QARS1: variants seen among roughly 807,000 people sequenced by gnomAD.
The protein encoded by QARS1 is glutamine--tRNA ligase.
In QARS1, 79 loss-of-function variants were observed where a neutral mutation model predicts 106.9. The observed-to-expected ratio is 0.74, with a 90% CI of 0.62 to 0.89. The LOEUF is 0.89. QARS1 is among the 40% of genes least tolerant of loss of function. QARS1 has a pLI of 0.00. For synonymous variants in QARS1, 395 were observed against 367.7 expected, an observed-to-expected ratio of 1.07 and a Z score of -0.85; for missense variants, 966 against 997.2, an observed-to-expected ratio of 0.97 and a Z score of 0.42.
Position 49,100,649 on chromosome 3 carries a change from C to T in QARS1, c.902G>A (p.Arg301His), listed in dbSNP as rs1553752019. The T allele has an allele frequency of 1.9e-6, 3 of 1,607,304 alleles. No individual in the cohort carries two copies. The highest frequency in any genetic ancestry group is 1.7e-5 in the Admixed American group (1 of 60,002). Residue 301 changes from arginine (R) to histidine (H), a missense_variant, in exon 11 of 24, where the codon CGT (arginine) becomes CAT (histidine). Physicochemically the swap from Arg to His is conservative, Grantham distance 29. Transcript: ENST00000306125. The stretch of plus-strand genomic sequence containing the variant: ...CTTCTCAGGGTTGGTGTCATCAAAA[C>T]GCAGAAAACAGATGCCATTGTTGGC... ...AKANNGICFLRFDDTNPEKEE... is the reference protein window; with the variant it reads ...AKANNGICFLHFDDTNPEKEE...
Position 49,100,409 on chromosome 3 carries a change from T to C in QARS1, c.1026A>G (p.Leu342=), listed in dbSNP as rs1559968026. ...GGATGAGCTCCACAGCCCACGCATA[T>C]AGCTGGTCAAAATAGTCAGACGCAT... ...VTYASDYFDQ[L]YAWAVELIRR... Residue 342 remains leucine, a synonymous_variant, in exon 12 of 24, where the codon CTA becomes CTG. Coordinates refer to ENST00000306125, the MANE Select transcript of QARS1 (RefSeq NM_005051.3). 1.2e-6 allele frequency: 2 copies of C among 1,614,242 alleles called. No homozygotes were observed. The highest frequency in any genetic ancestry group is 1.1e-5 in the South Asian group (1 of 91,086).
At chr3:49,101,261 T>TA (rs773064993) in intron 10 of QARS1, 94 bp downstream of exon 10, 58 of 974,438 alleles carry the variant, frequency 6.0e-5, no homozygotes, top group Non-Finnish European at 8.7e-5. Context: ...CTGGGTACAT[T>TA]ATTGGGAGCA....
At chr3:49,098,531 G>T in intron 20 of QARS1, 51 bp from the exon 21 acceptor site, 1 of 1,613,168 alleles carries the variant, frequency 6.2e-7, no homozygotes, top group South Asian at 1.1e-5. Context: ...CCACAACCAG[G>T]ACTGCAGGCT....
chr3:49,101,800 TC>T (rs2042474692), intron 8 of QARS1, 27 bp downstream of exon 8: 2 of 1,608,672 alleles, frequency 1.2e-6, no homozygotes, highest in Non-Finnish European at 1.7e-6. Flanking sequence ...GATCCAGCCC[TC>T]CCCAGGGTTT....
chr3:49,104,563 G>C (rs370736458), intron 1 of QARS1, 54 bp downstream of exon 1: 1 of 1,597,120 alleles, frequency 6.3e-7, no homozygotes, highest in Non-Finnish European at 8.6e-7. Context: ...ACCCCGCCCC[G>C]CGCTGCGTTG....
At chr3:49,099,894 T>A in intron 14 of QARS1, 41 bp from the exon 15 acceptor site, 1 of 1,614,056 alleles carries the variant, frequency 6.2e-7, no homozygotes, top group Non-Finnish European at 8.5e-7. Context: ...CCAGCCCTAC[T>A]CTGCCCTACC....
chr3:49,100,887 G>A (rs1295436690), intron 10 of QARS1: 10 of 666,822 alleles, frequency 1.5e-5, no homozygotes, highest in African/African-American at 5.4e-5. Flanking sequence ...AACTACAAGC[G>A]TGTGCCACCA....
chr3:49,098,238 T>C lies in QARS1; in HGVS notation c.2105A>G (p.Glu702Gly), dbSNP rs1414509657. The C allele has an allele frequency of 6.2e-7, 1 of 1,614,188 alleles. No individual in the cohort carries two copies. The highest frequency in any genetic ancestry group is 1.7e-5 in the Admixed American group (1 of 60,016). The stretch of plus-strand genomic sequence containing the variant: ...TCCACCAGGCACCTCAGTAGGATCT[T>C]CAGGGTTCTTGTGCTGGAATCTGCA... Reference protein sequence around the residue: ...YERLFQHKNPEDPTEVPGGFL... With the variant: ...YERLFQHKNPGDPTEVPGGFL... Residue 702 changes from glutamate (E) to glycine (G), a missense_variant, in exon 22 of 24, where the codon GAA becomes GGA. By Grantham distance (98) the Glu-to-Gly change is moderately conservative. Transcript: ENST00000306125.
chr3:49,103,460 C>G, intron 4 of QARS1, 51 bp from the exon 5 acceptor site: 3 of 1,605,360 alleles, frequency 1.9e-6, no homozygotes, highest in Non-Finnish European at 2.6e-6. Flanking sequence ...GAGTACTCCC[C>G]CCACCTCTTT....
chr3:49,104,376 G>A lies in QARS1; in HGVS notation c.213C>T (p.Phe71=). The change falls in exon 2 of 24, where the codon TTC becomes TTT. Residue 71 remains phenylalanine, a synonymous_variant. Transcript: ENST00000306125. ...TCTTACTGGCTATGTAGCTTACAAG[G>A]AAGGAGAGACGCCGGGTATCCCTGA... ...SRLRDTRRLS[F]LVSYIASKKI... 2 of 1,614,232 alleles carry A rather than the reference G, an allele frequency of 1.2e-6. No individual in the cohort carries two copies. The highest frequency in any genetic ancestry group is 1.1e-5 in the South Asian group (1 of 91,088).
At chr3:49,096,423 G>A (rs1219637897) in intron 23 of QARS1, among the ~76,000 whole-genome samples, 1 of 152,190 alleles carries the variant, frequency 6.6e-6, no homozygotes, top group Non-Finnish European at 1.5e-5. Context: ...CAGCACTTTG[G>A]GAGGCTGAGA....
At position 49,096,059 on chromosome 3, in the gene QARS1, G is replaced by A. The variant is rs2042385408; in HGVS notation, c.2298C>T (p.Val766=). The A allele has an allele frequency of 6.2e-7, 1 of 1,613,820 alleles. No homozygotes were observed. Among genetic ancestry groups the A allele is most frequent in the Non-Finnish European group, 8.5e-7 (1 of 1,179,974 alleles). The part of the protein sequence containing the change: ...HQGKLVFNRT[V]TLKEDPGKV ...CCTTTCCTGGGTCTTCCTTCAGTGTGACAGTTCGGTTAAAGACAAGCTGGA... is the reference window on the plus strand; with the variant it reads ...CCTTTCCTGGGTCTTCCTTCAGTGTAACAGTTCGGTTAAAGACAAGCTGGA... The change falls in exon 24 of 24, where the codon GTC becomes GTT. Residue 766 remains valine, a synonymous_variant. Coordinates refer to ENST00000306125, the MANE Select transcript of QARS1 (RefSeq NM_005051.3).
chr3:49,099,029 G>C (rs1559966633), intron 18 of QARS1, 40 bp from the exon 19 acceptor site: 2 of 1,612,358 alleles, frequency 1.2e-6, no homozygotes, highest in Non-Finnish European at 1.7e-6. Flanking sequence ...GTCATACTCA[G>C]CATTAGGACC....
At position 49,101,703 on chromosome 3, in the gene QARS1, C is replaced by T. The variant is rs1313459267; in HGVS notation, c.706G>A (p.Glu236Lys). The change falls in exon 9 of 24, where the codon GAG (glutamate) becomes AAG (lysine). Residue 236 changes from glutamate (E) to lysine (K), a missense_variant and splice_region_variant. Transcript: ENST00000306125. ...GEALKFHKPG[E>K]NYKTPGYVVT... is the part of the protein sequence containing the mutation. Reference sequence around the variant, plus strand: ...ACATAGCCTGGGGTCTTGTAGTTCTCACCTGCCAGGACCAGAATAAGCCTA... The same window carrying T: ...ACATAGCCTGGGGTCTTGTAGTTCTTACCTGCCAGGACCAGAATAAGCCTA... 2 of 1,613,984 alleles carry T rather than the reference C, an allele frequency of 1.2e-6. No homozygotes were observed. Among genetic ancestry groups the T allele is most frequent in the African/African-American group, 2.7e-5 (2 of 74,912 alleles).
At chr3:49,104,157 G>T in intron 2 of QARS1, 167 bp downstream of exon 2, 1 of 1,183,180 alleles carries the variant, frequency 8.5e-7, no homozygotes, top group Non-Finnish European at 1.3e-6. Flanking sequence ...CTCAGACCCT[G>T]ACAGTTCCCG....
chr3:49,098,785 A>T (rs527379243), intron 19 of QARS1, 93 bp from the exon 20 acceptor site: 1 of 1,504,864 alleles, frequency 6.6e-7, no homozygotes, highest in African/African-American at 1.4e-5. Flanking sequence ...AGATTGGTTC[A>T]TCTGAAGCAG....
chr3:49,097,840 C>T, intron 23 of QARS1, 152 bp downstream of exon 23: 1 of 1,151,842 alleles, frequency 8.7e-7, no homozygotes, highest in Non-Finnish European at 1.2e-6. Context: ...CTGGAGTTAT[C>T]CTCAGTGCCA....
rs1377061002 is a variant in QARS1 at position 49,098,085 on chromosome 3, C to G, written c.2184G>C (p.Val728=). The G allele has an allele frequency of 6.2e-7, 1 of 1,614,144 alleles. No homozygotes were observed. The stretch of plus-strand genomic sequence containing the variant: ...GTTTTGCCAGGGCCACAGAGCAGTC[C>G]ACTAATGCTGCATCCACCACGTGTA... The part of the protein sequence containing the change: ...ASLHVVDAAL[V]DCSVALAKPF... The change falls in exon 23 of 24, where the codon GTG becomes GTC. Residue 728 remains valine, a synonymous_variant. Coordinates refer to ENST00000306125, the MANE Select transcript of QARS1 (RefSeq NM_005051.3).
At chr3:49,098,282 C>G (rs1248051357) in intron 21 of QARS1, 24 bp from the exon 22 acceptor site, 1 of 1,613,950 alleles carries the variant, frequency 6.2e-7, no homozygotes, top group African/African-American at 1.3e-5. Flanking sequence ...GAAGGTCATA[C>G]CCCCAGCTGG....
Sources: gnomAD v4.1 joint callset for allele counts (sites outside exome capture counted in the v4.1 genomes callset) on GRCh38, gnomAD v4.1.1 for gene constraint, MANE v1.5 for transcripts, NCBI Gene and HGNC (gene_info 2026-07-23, HGNC 2026-07-21) for gene names.